The following DPP10 variants were observed in gnomAD, a reference collection of about 807,000 sequenced individuals.
The protein encoded by DPP10 is dipeptidyl peptidase like 10.
DPP10 carries 33 observed loss-of-function variants against 120.9 expected under a neutral mutation model. The ratio of observed to expected loss-of-function variants is 0.27; its 90% CI spans 0.21 to 0.37. The LOEUF (loss-of-function observed/expected upper bound fraction) is 0.37, where lower values mean the gene tolerates loss of function less well. Among genes scored for constraint, DPP10 ranks in the 10% least tolerant of loss-of-function variants. DPP10 has a pLI of 1.00. For missense variants in DPP10, 816 were observed against 942.8 expected (o/e 0.87, Z 1.76); for synonymous variants, 337 against 326.1 (o/e 1.03, Z -0.36).
chr2:114,801,429 T>A (rs921678769), intron 1 of DPP10, among the ~76,000 whole-genome samples: 2 of 151,670 alleles, frequency 1.3e-5, no homozygotes, highest in Admixed American at 6.6e-5. Flanking sequence ...ACCTCTGGGG[T>A]GTAAAGGGGA....
intron 1 of DPP10, among the ~76,000 whole-genome samples, chr2:115,030,798 C>T (rs1171661758): frequency 6.6e-6 from 1 of 152,142 alleles, no homozygotes; most frequent in East Asian, 1.9e-4. Flanking sequence ...AAAAGGAATG[C>T]TTTGACACTG....
chr2:114,460,169 A>ATTATCTATCTACTATC (rs1053106806), intron 1 of DPP10, among the ~76,000 whole-genome samples: 3 of 148,516 alleles, frequency 2.0e-5, no homozygotes, highest in African/African-American at 7.5e-5. Context: ...ATTTGGGATG[A>ATTATCTATCTACTATC]TATCTATCTA....
chr2:115,066,641 T>G (rs576004303), intron 1 of DPP10: 61 of 152,262 alleles, frequency 4.0e-4, no homozygotes, highest in African/African-American at 8.4e-4. Flanking sequence ...GTCCCTAATA[T>G]CTATGATTTC....
chr2:114,888,226 C>G (rs1384337840), intron 1 of DPP10, among the ~76,000 whole-genome samples: 4 of 151,958 alleles, frequency 2.6e-5, no homozygotes, highest in Non-Finnish European at 5.9e-5. Context: ...CTGTGCTCAG[C>G]AGAGCAGTGG....
At position 115,836,276 on chromosome 2, in the gene DPP10, T is replaced by C. The variant is rs1237095285; in HGVS notation, c.2050+20T>C. On this transcript the variant is annotated intron_variant, in intron 22 of 25. Transcript: ENST00000410059. ...TGTATGGTGAGTACTTTCTACAGAC[T>C]GACCTAGTATAATGTATTGATTTGT... is the stretch of plus-strand genomic sequence containing the variant. The C allele has an allele frequency of 6.3e-7, 1 of 1,577,208 alleles. No individual in the cohort carries two copies. The highest frequency in any genetic ancestry group is 1.2e-5 in the South Asian group (1 of 86,318).
intron 7 of DPP10, among the ~76,000 whole-genome samples, chr2:115,722,507 A>C (rs2092672700): frequency 6.6e-6 from 1 of 151,936 alleles, no homozygotes; most frequent in Non-Finnish European, 1.5e-5. Context: ...ATCTATACAC[A>C]CCTATTTTGT....
intron 1 of DPP10, among the ~76,000 whole-genome samples, chr2:114,641,524 T>C (rs1356748061): frequency 6.6e-6 from 1 of 151,992 alleles, no homozygotes; most frequent in African/African-American, 2.4e-5. Context: ...TTACGTATGA[T>C]AGAAAATACA....
intron 4 of DPP10, among the ~76,000 whole-genome samples, chr2:115,512,231 G>T (rs2077270848): frequency 6.6e-6 from 1 of 152,060 alleles, no homozygotes. Flanking sequence ...CTCCTGAGAA[G>T]CTGGGACTTC....
chr2:115,409,743 A>C (rs2068800539), intron 3 of DPP10, among the ~76,000 whole-genome samples: 1 of 152,244 alleles, frequency 6.6e-6, no homozygotes, highest in Admixed American at 6.5e-5. Context: ...TTGCAATTGC[A>C]AAAATGTGGA....
At chr2:114,736,733 G>A (rs1677477374) in intron 1 of DPP10, among the ~76,000 whole-genome samples, 1 of 152,166 alleles carries the variant, frequency 6.6e-6, no homozygotes, top group Admixed American at 6.5e-5. Flanking sequence ...GTTCTATACA[G>A]TGCAAATTGA....
At chr2:115,381,082 G>T (rs892278835) in intron 3 of DPP10, among the ~76,000 whole-genome samples, 1 of 152,112 alleles carries the variant, frequency 6.6e-6, no homozygotes, top group Non-Finnish European at 1.5e-5. Flanking sequence ...TGTATTTCCT[G>T]AATCTGAATG....
chr2:115,503,028 A>C (rs1054359173), intron 4 of DPP10, among the ~76,000 whole-genome samples: 9 of 152,128 alleles, frequency 5.9e-5, no homozygotes, highest in Non-Finnish European at 1.0e-4. Flanking sequence ...CTTATGCATT[A>C]ATATGAAAAG....
At chr2:115,734,100 T>A (rs1219448815) in intron 8 of DPP10, among the ~76,000 whole-genome samples, 3 of 152,164 alleles carry the variant, frequency 2.0e-5, no homozygotes, top group African/African-American at 7.2e-5. Context: ...CTGAAGAAAG[T>A]CACAAGGCTC....
intron 1 of DPP10, among the ~76,000 whole-genome samples, chr2:115,249,072 T>G (rs1301486727): frequency 6.6e-6 from 1 of 152,142 alleles, no homozygotes; most frequent in Non-Finnish European, 1.5e-5. Context: ...TGCTGAAGAT[T>G]AAAAATACCA....
intron 3 of DPP10, among the ~76,000 whole-genome samples, chr2:115,407,484 C>CA (rs1013971758): frequency 6.6e-6 from 1 of 152,090 alleles, no homozygotes; most frequent in Non-Finnish European, 1.5e-5. Context: ...GCGTTCCTGG[C>CA]AAAAGGGGCC....
Position 114,442,736 on chromosome 2 carries a change from T to C in DPP10, c.-43T>C. On this transcript the variant is annotated 5_prime_UTR_variant, in exon 1 of 26. Transcript: ENST00000410059. ...AGGAGACTTGATCTCTAGTTCATTC[T>C]GGAACTCCGCCTGGGATTGTGCACT... 4.3e-6 allele frequency: 7 copies of C among 1,611,604 alleles called. No individual in the cohort carries two copies. Among genetic ancestry groups the C allele is most frequent in the Non-Finnish European group, 5.1e-6 (6 of 1,178,528 alleles).
intron 1 of DPP10, among the ~76,000 whole-genome samples, chr2:114,572,018 G>T (rs944817686): frequency 4.7e-5 from 7 of 149,578 alleles, no homozygotes; most frequent in African/African-American, 1.5e-4. Context: ...CATATATTGT[G>T]TATATGTAGT....
chr2:115,348,454 A>AT (rs1396108222), intron 3 of DPP10, among the ~76,000 whole-genome samples: 2 of 150,902 alleles, frequency 1.3e-5, no homozygotes, highest in African/African-American at 2.4e-5. Context: ...TTTTTTCTCG[A>AT]TTTTTTTCAA....
intron 1 of DPP10, among the ~76,000 whole-genome samples, chr2:114,801,249 C>T (rs1350681400): frequency 8.3e-5 from 10 of 120,454 alleles, no homozygotes; most frequent in South Asian, 2.5e-4. Context: ...GGTGACAGAA[C>T]GAGACTCTGT....
Sources: allele counts gnomAD v4.1 joint callset (sites outside exome capture counted in the v4.1 genomes callset), GRCh38; gene constraint gnomAD v4.1.1; transcripts MANE v1.5; gene names NCBI Gene and HGNC (gene_info 2026-07-23, HGNC 2026-07-21).